The following AGO3 variants were observed in gnomAD, a reference collection of about 807,000 sequenced individuals.
AGO3 encodes protein argonaute-3.
A neutral mutation model predicts 105.5 loss-of-function variants in AGO3; 16 were observed. The observed-to-expected ratio is 0.15, with a 90% CI of 0.10 to 0.23. The LOEUF (loss-of-function observed/expected upper bound fraction) is 0.23. Ranked by LOEUF, AGO3 falls within the 10% of genes least tolerant of loss-of-function variation. The pLI, the probability that AGO3 is intolerant of heterozygous loss-of-function variation, is 1.00. For missense variants in AGO3, 534 were observed against 1,088.0 expected (o/e 0.49, Z 7.16); for synonymous variants, 340 against 367.3 (o/e 0.93, Z 0.85).
intron 1 of AGO3, among the ~76,000 whole-genome samples, chr1:35,944,746 T>G (rs907388986): frequency 6.6e-6 from 1 of 151,974 alleles, no homozygotes; most frequent in East Asian, 1.9e-4. Context: ...TCAGGTGATC[T>G]GCCCGCTTTG....
At chr1:36,032,014 T>G (rs1338886037) in intron 12 of AGO3, among the ~76,000 whole-genome samples, 1 of 152,138 alleles carries the variant, frequency 6.6e-6, no homozygotes. Context: ...GCTATGAACA[T>G]AGGTGTACAA....
intron 1 of AGO3, among the ~76,000 whole-genome samples, chr1:35,939,481 G>A (rs879490974): frequency 7.2e-5 from 11 of 152,136 alleles, no homozygotes; most frequent in Admixed American, 2.0e-4. Flanking sequence ...AGGTTTGAGT[G>A]CAAATGTTCT....
chr1:36,052,071 A>T (rs1002302162), intron 17 of AGO3, among the ~76,000 whole-genome samples: 1 of 152,226 alleles, frequency 6.6e-6, no homozygotes, highest in African/African-American at 2.4e-5. Flanking sequence ...CTGAGTATAT[A>T]TGCAAAGGAA....
In AGO3 at chr1:36,043,479, A is replaced by C; in HGVS notation, c.2205A>C (p.Thr735=). 1 of 1,613,920 alleles carries C rather than the reference A, an allele frequency of 6.2e-7. No homozygotes were observed. The highest frequency in any genetic ancestry group is 8.5e-7 in the Non-Finnish European group (1 of 1,179,954). Residue 735 remains threonine (T), a synonymous_variant, in exon 17 of 19, where the codon ACA becomes ACC. Coordinates refer to ENST00000373191, the MANE Select transcript of AGO3 (RefSeq NM_024852.4). Reference sequence around the variant, plus strand: ...GAAGTGGCAATATCCCAGCTGGAACAACAGTTGATACAGACATTACACACC... The same window carrying C: ...GAAGTGGCAATATCCCAGCTGGAACCACAGTTGATACAGACATTACACACC... The part of the protein sequence containing the change: ...VGRSGNIPAG[T]TVDTDITHPY...
intron 3 of AGO3, among the ~76,000 whole-genome samples, chr1:35,970,755 G>A (rs1033929245): frequency 6.0e-5 from 9 of 151,006 alleles, no homozygotes; most frequent in Non-Finnish European, 1.2e-4. Flanking sequence ...ATTTAGACAG[G>A]GTCTTGCTCT....
At chr1:35,952,141 TTTC>T (rs1404968562) in intron 2 of AGO3, among the ~76,000 whole-genome samples, 6 of 94,944 alleles carry the variant, frequency 6.3e-5, no homozygotes, top group Admixed American at 1.4e-4. Context: ...TCTTTCTTTC[TTTC>T]TTTCTTTTTT....
chr1:36,007,145 G>T (rs1640372916), intron 6 of AGO3, among the ~76,000 whole-genome samples: 1 of 152,120 alleles, frequency 6.6e-6, no homozygotes, highest in Admixed American at 6.6e-5. Context: ...GTCCCCTGGG[G>T]GACAGATTGC....
intron 1 of AGO3, among the ~76,000 whole-genome samples, chr1:35,938,825 T>G (rs1313906982): frequency 1.3e-5 from 2 of 152,220 alleles, no homozygotes; most frequent in Non-Finnish European, 2.9e-5. Context: ...ATGTTATAGT[T>G]GATTTTGATT....
intron 9 of AGO3, among the ~76,000 whole-genome samples, chr1:36,010,437 C>G (rs1569763320): frequency 6.6e-6 from 1 of 151,842 alleles, no homozygotes; most frequent in East Asian, 2.0e-4. Flanking sequence ...AATGCCATCT[C>G]TACTAAAAAC....
chr1:36,035,413 A>G (rs1569884855), intron 13 of AGO3, among the ~76,000 whole-genome samples: 1 of 152,206 alleles, frequency 6.6e-6, no homozygotes, highest in East Asian at 1.9e-4. Context: ...AAAAACAATA[A>G]TAACATAAAG....
chr1:35,974,424 A>G (rs1646921282), intron 5 of AGO3, among the ~76,000 whole-genome samples: 1 of 152,112 alleles, frequency 6.6e-6, no homozygotes, highest in Admixed American at 6.5e-5. Context: ...AATATGTTCA[A>G]ATCTGATTTT....
chr1:35,935,954 A>G (rs1646139256), intron 1 of AGO3, among the ~76,000 whole-genome samples: 1 of 152,230 alleles, frequency 6.6e-6, no homozygotes, highest in Non-Finnish European at 1.5e-5. Flanking sequence ...AGGAAGGTAA[A>G]ACTAAAAAGA....
chr1:35,972,139 G>A lies in AGO3; in HGVS notation c.428G>A (p.Arg143Gln), dbSNP rs1244635103. 3.1e-6 allele frequency: 5 copies of A among 1,613,926 alleles called. No individual in the cohort carries two copies. Among genetic ancestry groups the A allele is most frequent in the Admixed American group, 1.7e-5 (1 of 59,962 alleles). ...WHLLHEVLTG[R>Q]TLPEPLELDK... Reference sequence around the variant, plus strand: ...CTACTGCATGAAGTACTGACAGGACGGACCTTGCCTGAGCCACTGGAATTA... The same window carrying A: ...CTACTGCATGAAGTACTGACAGGACAGACCTTGCCTGAGCCACTGGAATTA... Residue 143 changes from arginine to glutamine, a missense_variant, in exon 4 of 19, where the codon CGG becomes CAG. Physicochemically the swap from Arg to Gln is conservative, Grantham distance 43. Coordinates refer to ENST00000373191, the MANE Select transcript of AGO3 (RefSeq NM_024852.4).
At chr1:35,957,048 T>G (rs1380314928) in intron 2 of AGO3, among the ~76,000 whole-genome samples, 1 of 152,094 alleles carries the variant, frequency 6.6e-6, no homozygotes, top group Non-Finnish European at 1.5e-5. Context: ...TACACATGGT[T>G]GTTAAGAAGT....
At chr1:36,011,443 C>A (rs1378110952) in intron 9 of AGO3, among the ~76,000 whole-genome samples, 1 of 151,660 alleles carries the variant, frequency 6.6e-6, no homozygotes, top group African/African-American at 2.4e-5. Context: ...TGGTTTTCAT[C>A]TTGGATTTTT....
At position 36,064,423 on chromosome 1, in the gene AGO3, A is replaced by G. The variant is rs1367695331; in HGVS notation, c.*8678A>G. The G allele has an allele frequency of 6.6e-6, 1 of 152,244 alleles. No individual in the cohort carries two copies. Among genetic ancestry groups the G allele is most frequent in the Non-Finnish European group, 1.5e-5 (1 of 68,042 alleles). 9.4% of individuals were successfully genotyped at this position (152,244 alleles called of 1,614,324 possible). On this transcript the variant is annotated 3_prime_UTR_variant, in exon 19 of 19. Coordinates refer to ENST00000373191, the MANE Select transcript of AGO3 (RefSeq NM_024852.4). The stretch of plus-strand genomic sequence containing the variant: ...ATAAATAAAAGTACATGAAAAAAGT[A>G]TATTCCCTTAAGCAGGTAAAATACT...
intron 1 of AGO3, among the ~76,000 whole-genome samples, chr1:35,940,035 AC>A (rs1450325259): frequency 4.6e-5 from 7 of 151,960 alleles, no homozygotes. Context: ...TACTTGTCTC[AC>A]ATATTATTTT....
chr1:36,019,448 A>G (rs1641096672), intron 11 of AGO3, among the ~76,000 whole-genome samples: 2 of 152,252 alleles, frequency 1.3e-5, no homozygotes, highest in Admixed American at 6.5e-5. Flanking sequence ...TTTTACAGCC[A>G]GTCCAGTGAG....
chr1:35,988,040 C>G (rs1442701988), intron 5 of AGO3, among the ~76,000 whole-genome samples: 4 of 152,024 alleles, frequency 2.6e-5, no homozygotes, highest in African/African-American at 4.8e-5. Flanking sequence ...TGTACTCCAG[C>G]CTGGGTGACA....
Sources: gnomAD v4.1 joint callset for allele counts (sites outside exome capture counted in the v4.1 genomes callset) on GRCh38, gnomAD v4.1.1 for gene constraint, MANE v1.5 for transcripts, NCBI Gene and HGNC (gene_info 2026-07-23, HGNC 2026-07-21) for gene names.